The following GSK3B variants were observed in gnomAD, a reference collection of about 807,000 sequenced individuals.
GSK3B encodes the protein glycogen synthase kinase-3 beta.
In GSK3B, 15 loss-of-function variants were observed where a neutral mutation model predicts 56.4. That is an observed-to-expected ratio of 0.27 (90% confidence interval 0.18 to 0.41). GSK3B has a LOEUF of 0.41. Ranked by LOEUF, GSK3B falls within the 10% of genes least tolerant of loss-of-function variation. GSK3B has a pLI of 1.00. For synonymous variants in GSK3B, 181 were observed against 188.9 expected, an observed-to-expected ratio of 0.96 and a Z score of 0.34; for missense variants, 300 against 513.4, an observed-to-expected ratio of 0.58 and a Z score of 4.02.
At chr3:120,078,965 C>T (rs2058390326) in intron 1 of GSK3B, among the ~76,000 whole-genome samples, 1 of 135,920 alleles carries the variant, frequency 7.4e-6, no homozygotes, top group African/African-American at 2.8e-5. Context: ...CTTTTTGAGA[C>T]AGTCTCGCTG....
chr3:120,084,673 TAG>T (rs1393077879), intron 1 of GSK3B: 1 of 152,166 alleles, frequency 6.6e-6, no homozygotes, highest in Non-Finnish European at 1.5e-5. Context: ...GTTAGAAAAA[TAG>T]AAAGTTAAAA....
At chr3:119,958,999 T>A (rs1197551862) in intron 2 of GSK3B, among the ~76,000 whole-genome samples, 1 of 152,192 alleles carries the variant, frequency 6.6e-6, no homozygotes, top group Non-Finnish European at 1.5e-5. Context: ...CTGTGCAGAA[T>A]ATGCCTTTGT....
intron 3 of GSK3B, among the ~76,000 whole-genome samples, chr3:119,937,898 TA>T (rs1300409140): frequency 6.6e-6 from 1 of 150,614 alleles, no homozygotes; most frequent in East Asian, 1.9e-4. Context: ...GACTGACAAA[TA>T]AAAAGAAAAA....
intron 1 of GSK3B, among the ~76,000 whole-genome samples, chr3:120,048,468 C>T (rs1216287228): frequency 6.6e-6 from 1 of 152,238 alleles, no homozygotes; most frequent in African/African-American, 2.4e-5. Flanking sequence ...GGCTCTGCCA[C>T]TTACTAACTG....
At chr3:119,916,431 A>C (rs2056781971) in intron 4 of GSK3B, among the ~76,000 whole-genome samples, 1 of 152,158 alleles carries the variant, frequency 6.6e-6, no homozygotes, top group South Asian at 2.1e-4. Context: ...AAATTTTACA[A>C]TGTGCTTTAT....
intron 1 of GSK3B, chr3:120,041,453 A>C (rs544995216): frequency 6.1e-4 from 160 of 263,434 alleles, no homozygotes; most frequent in Non-Finnish European, 1.1e-3. Context: ...CCTTCAAAAA[A>C]GACTTCTATA....
chr3:119,874,772 A>T (rs142331177), intron 8 of GSK3B, among the ~76,000 whole-genome samples: 240 of 152,242 alleles, frequency 1.6e-3, no homozygotes, highest in Middle Eastern at 3.4e-3. Context: ...TTCTTACCCA[A>T]ACTACTGTTG....
At chr3:120,031,549 G>A (rs1361631543) in intron 1 of GSK3B, among the ~76,000 whole-genome samples, 3 of 152,082 alleles carry the variant, frequency 2.0e-5, no homozygotes, top group Non-Finnish European at 4.4e-5. Flanking sequence ...CCCACCTCAC[G>A]TATTCAACAA....
intron 8 of GSK3B, among the ~76,000 whole-genome samples, chr3:119,874,292 C>T (rs2056281665): frequency 6.6e-6 from 1 of 152,044 alleles, no homozygotes. Flanking sequence ...CTAAACCCTA[C>T]ATATACTGTT....
chr3:119,858,898 T>A (rs1028121756), intron 9 of GSK3B, among the ~76,000 whole-genome samples: 1 of 151,678 alleles, frequency 6.6e-6, no homozygotes, highest in African/African-American at 2.4e-5. Flanking sequence ...GAGATGGGGA[T>A]TGGCTGATTG....
intron 1 of GSK3B, among the ~76,000 whole-genome samples, chr3:120,079,191 C>T (rs1292789594): frequency 1.3e-5 from 2 of 151,194 alleles, no homozygotes; most frequent in Non-Finnish European, 2.9e-5. Context: ...TCCGCCCCTC[C>T]TCAGTCTCCC....
chr3:119,869,245 A>AAAAAAAAAAC (rs1455323431), intron 8 of GSK3B, among the ~76,000 whole-genome samples: 3 of 149,460 alleles, frequency 2.0e-5, no homozygotes, highest in African/African-American at 7.6e-5. Flanking sequence ...AAAAAAAAAA[A>AAAAAAAAAAC]ACATATATTC....
At chr3:119,943,618 G>T (rs1285702946) in intron 3 of GSK3B, among the ~76,000 whole-genome samples, 1 of 152,080 alleles carries the variant, frequency 6.6e-6, no homozygotes, top group Non-Finnish European at 1.5e-5. Flanking sequence ...CAACGAAGAA[G>T]ATTTAAGACA....
chr3:119,826,957 C>A, intron 10 of GSK3B, 102 bp from the exon 11 acceptor site: 2 of 715,320 alleles, frequency 2.8e-6, no homozygotes, highest in Admixed American at 2.5e-5. Context: ...GTATGGCCTT[C>A]CAAGCTGTTA....
At chr3:119,973,469 C>A (rs1490331419) in intron 2 of GSK3B, among the ~76,000 whole-genome samples, 1 of 152,148 alleles carries the variant, frequency 6.6e-6, no homozygotes, top group African/African-American at 2.4e-5. Flanking sequence ...GCTCACTGAT[C>A]TAGGATCATT....
intron 1 of GSK3B, among the ~76,000 whole-genome samples, chr3:120,073,242 A>G (rs201701050): frequency 0.022 from 3,231 of 148,188 alleles, 116 homozygotes; most frequent in African/African-American, 0.076. Context: ...AAAAAAAAAA[A>G]GCCTGGCATG....
At chr3:119,937,818 A>T (rs972260985) in intron 3 of GSK3B, among the ~76,000 whole-genome samples, 7 of 152,014 alleles carry the variant, frequency 4.6e-5, no homozygotes, top group African/African-American at 7.3e-5. Flanking sequence ...GAATCAACAA[A>T]ACTAAAAGTT....
chr3:120,074,225 C>A (rs2058350119), intron 1 of GSK3B, among the ~76,000 whole-genome samples: 1 of 151,210 alleles, frequency 6.6e-6, no homozygotes, highest in African/African-American at 2.4e-5. Flanking sequence ...CACTGGAGCC[C>A]AGGAATTGAG....
At chr3:120,054,485 G>A (rs2058177039) in intron 1 of GSK3B, among the ~76,000 whole-genome samples, 1 of 152,018 alleles carries the variant, frequency 6.6e-6, no homozygotes, top group African/African-American at 2.4e-5. Flanking sequence ...TGTCCTTTAG[G>A]CAGGATTTAA....
Sources: gnomAD v4.1 joint callset for allele counts (sites outside exome capture counted in the v4.1 genomes callset) on GRCh38, gnomAD v4.1.1 for gene constraint, MANE v1.5 for transcripts, NCBI Gene and HGNC (gene_info 2026-07-23, HGNC 2026-07-21) for gene names.